ZNF385D: variants seen among roughly 807,000 people sequenced by gnomAD.
ZNF385D encodes the protein zinc finger protein 385D.
In ZNF385D, 15 loss-of-function variants were observed where a neutral mutation model predicts 35.8. The observed-to-expected ratio is 0.42, with a 90% confidence interval of 0.28 to 0.64. The LOEUF is 0.64. Ranked by LOEUF, ZNF385D falls within the 30% of genes least tolerant of loss-of-function variation. ZNF385D has a pLI of 0.23. For synonymous variants in ZNF385D, 212 were observed against 186.8 expected (o/e 1.13, Z -1.10); for missense variants, 474 against 494.6 (o/e 0.96, Z 0.39).
intron 3 of ZNF385D, among the ~76,000 whole-genome samples, chr3:22,122,988 A>G (rs1425688098): frequency 6.6e-6 from 1 of 152,202 alleles, no homozygotes; most frequent in Non-Finnish European, 1.5e-5. Context: ...AGGCAACTTT[A>G]AAGACTACTT....
At chr3:21,496,469 TATATAC>T (rs1411061645) in intron 4 of ZNF385D, among the ~76,000 whole-genome samples, 3 of 76,610 alleles carry the variant, frequency 3.9e-5, no homozygotes, top group Non-Finnish European at 7.5e-5. Context: ...ATATATCATA[TATATAC>T]ATATATACAC....
intron 2 of ZNF385D, among the ~76,000 whole-genome samples, chr3:22,194,902 G>C (rs915418022): frequency 6.6e-6 from 1 of 151,836 alleles, no homozygotes; most frequent in Non-Finnish European, 1.5e-5. Flanking sequence ...CCCCTTGAAG[G>C]ACACTAGCGT....
chr3:22,289,995 A>T (rs1185007266), intron 2 of ZNF385D, among the ~76,000 whole-genome samples: 1 of 152,130 alleles, frequency 6.6e-6, no homozygotes, highest in Admixed American at 6.6e-5. Flanking sequence ...GGAAGCTTTG[A>T]GTTTTAGCCC....
chr3:21,757,097 T>G (rs4327413), intron 3 of ZNF385D, among the ~76,000 whole-genome samples: 18,326 of 148,576 alleles, frequency 0.12, 1,299 homozygotes, highest in African/African-American at 0.17. Flanking sequence ...TTCACTGACT[T>G]TGGAGACATA....
chr3:21,688,590 G>A (rs778896585), intron 1 of ZNF385D, among the ~76,000 whole-genome samples: 3 of 151,968 alleles, frequency 2.0e-5, no homozygotes, highest in Non-Finnish European at 4.4e-5. Context: ...GCTCCTTTAG[G>A]TGGTTTTATC....
chr3:21,589,914 C>G (rs1475192140), intron 2 of ZNF385D, among the ~76,000 whole-genome samples: 2 of 152,040 alleles, frequency 1.3e-5, no homozygotes, highest in Non-Finnish European at 2.9e-5. Context: ...ATTAGTAGCA[C>G]TCTTTGGTAA....
intron 2 of ZNF385D, among the ~76,000 whole-genome samples, chr3:22,295,444 A>T (rs1702519638): frequency 6.8e-6 from 1 of 146,232 alleles, no homozygotes; most frequent in Admixed American, 6.9e-5. Context: ...GAATTATAAC[A>T]AATTTTTTAA....
At chr3:21,678,912 G>A (rs765324186) in intron 1 of ZNF385D, among the ~76,000 whole-genome samples, 5 of 152,060 alleles carry the variant, frequency 3.3e-5, no homozygotes, top group Non-Finnish European at 7.4e-5. Flanking sequence ...TATAAGCGAA[G>A]ATAAGAAAAC....
At chr3:22,137,978 G>C (rs1028104545) in intron 3 of ZNF385D, among the ~76,000 whole-genome samples, 1 of 152,100 alleles carries the variant, frequency 6.6e-6, no homozygotes, top group East Asian at 1.9e-4. Flanking sequence ...AAACTCTCAG[G>C]ATACAAAATC....
chr3:22,148,842 T>C (rs1327405826), intron 3 of ZNF385D, among the ~76,000 whole-genome samples: 1 of 152,178 alleles, frequency 6.6e-6, no homozygotes, highest in African/African-American at 2.4e-5. Context: ...TGAGAAGTAT[T>C]AAATTGCTTC....
At chr3:21,802,681 C>T (rs1575675971) in intron 3 of ZNF385D, among the ~76,000 whole-genome samples, 2 of 152,306 alleles carry the variant, frequency 1.3e-5, no homozygotes, top group East Asian at 1.9e-4. Context: ...CAATAGAACA[C>T]TTGTCCTGGT....
At chr3:21,794,518 G>A (rs1426178142) in intron 3 of ZNF385D, among the ~76,000 whole-genome samples, 4 of 152,230 alleles carry the variant, frequency 2.6e-5, no homozygotes, top group African/African-American at 9.6e-5. Flanking sequence ...CTAAAGAATG[G>A]ATGCCCAAGA....
chr3:21,771,177 C>CATGTATACATATGTACACAT (rs2071061784), intron 3 of ZNF385D, among the ~76,000 whole-genome samples: 1 of 151,482 alleles, frequency 6.6e-6, no homozygotes, highest in South Asian at 2.1e-4. Context: ...CAACATGGCA[C>CATGTATACATATGTACACAT]ATGTATACAT....
rs2061967766 is a variant in ZNF385D, at chr3:21,533,391, G to A, written c.277-22368C>T. On this transcript the variant is annotated intron_variant, in intron 3 of 7. Transcript: ENST00000281523. ...TTTGCCCATACTAACTTTCTTATTT[G>A]AAAATAAAGGCCAATTCTCTTTGAG... Among the ~76,000 whole-genome samples the A allele has an allele frequency of 3.3e-5, 5 of 152,078 alleles. 1 individual carries two copies. In the Middle Eastern group the frequency reaches 0.017, roughly 517 times the overall value.
chr3:21,980,320 G>T (rs114383209), intron 3 of ZNF385D, among the ~76,000 whole-genome samples: 1 of 152,074 alleles, frequency 6.6e-6, no homozygotes, highest in Admixed American at 6.6e-5. Context: ...CAGCTAAGTC[G>T]CTTTTGAATT....
chr3:21,947,127 T>C (rs1466052195), intron 3 of ZNF385D, among the ~76,000 whole-genome samples: 1 of 152,204 alleles, frequency 6.6e-6, no homozygotes, highest in African/African-American at 2.4e-5. Context: ...TTTGCACTCA[T>C]GAAAGTTTGT....
At chr3:21,523,016 C>T (rs775513796) in intron 3 of ZNF385D, among the ~76,000 whole-genome samples, 2 of 152,120 alleles carry the variant, frequency 1.3e-5, no homozygotes, top group African/African-American at 2.4e-5. Flanking sequence ...TTTAGTGTGT[C>T]ATAAATGTAT....
At chr3:21,968,174 T>C (rs995373518) in intron 3 of ZNF385D, among the ~76,000 whole-genome samples, 1 of 152,024 alleles carries the variant, frequency 6.6e-6, no homozygotes, top group African/African-American at 2.4e-5. Flanking sequence ...GAAAGCAACA[T>C]CGGGTGGAAC....
At chr3:22,139,757 A>G (rs559363519) in intron 3 of ZNF385D, among the ~76,000 whole-genome samples, 19 of 151,570 alleles carry the variant, frequency 1.3e-4, no homozygotes, top group South Asian at 2.1e-4. Flanking sequence ...CTAAAACTTA[A>G]AGTATAATAA....
Sources: gnomAD v4.1 joint callset for allele counts (sites outside exome capture counted in the v4.1 genomes callset) on GRCh38, gnomAD v4.1.1 for gene constraint, MANE v1.5 for transcripts, NCBI Gene and HGNC (gene_info 2026-07-23, HGNC 2026-07-21) for gene names.